The following CACHD1 variants were observed in gnomAD, a reference collection of about 807,000 sequenced individuals.
The protein encoded by CACHD1 is cache domain containing 1.
Under a neutral mutation model 138.7 loss-of-function variants are expected in CACHD1, and 71 were observed. The observed-to-expected ratio is 0.51, with a 90% CI of 0.42 to 0.62. CACHD1 has a LOEUF of 0.62. CACHD1 is among the 20% of genes least tolerant of loss of function. The pLI is 0.00. For missense variants in CACHD1, 1,389 were observed against 1,625.3 expected (o/e 0.85, Z 2.50); for synonymous variants, 578 against 591.5 (o/e 0.98, Z 0.33).
rs767313446 is a variant in CACHD1, at chr1:64,692,380, G to A, written c.*819G>A. 2 of 152,228 alleles carry A rather than the reference G, an allele frequency of 1.3e-5. No homozygotes were observed. Among genetic ancestry groups the A allele is most frequent in the Non-Finnish European group, 2.9e-5 (2 of 68,048 alleles). 9.4% of individuals were successfully genotyped at this position (152,228 alleles called of 1,614,324 possible). ...TTTCTCTGTGTTTGACAGAGATGGG[G>A]AGGGGCAGAGGAATTTAAGAGGTTT... On this transcript the variant is annotated 3_prime_UTR_variant, in exon 27 of 27. Transcript: ENST00000651257.
At chr1:64,621,777 G>A (rs751650197) in intron 4 of CACHD1, among the ~76,000 whole-genome samples, 6 of 152,186 alleles carry the variant, frequency 3.9e-5, no homozygotes, top group Non-Finnish European at 8.8e-5. Flanking sequence ...GAAGGGGGAA[G>A]AGGTGAGGTT....
intron 16 of CACHD1, 139 bp from the exon 17 acceptor site, chr1:64,671,425 T>C: frequency 1.2e-6 from 1 of 868,562 alleles, no homozygotes; most frequent in Non-Finnish European, 1.8e-6. Flanking sequence ...ACTTAGTTGA[T>C]CATTTTTGTA....
intron 1 of CACHD1, among the ~76,000 whole-genome samples, chr1:64,500,356 G>A (rs1448932184): frequency 6.6e-6 from 1 of 152,110 alleles, no homozygotes; most frequent in Admixed American, 6.5e-5. Context: ...CAACATATGT[G>A]CCTGTTGGGA....
chr1:64,632,164 G>T (rs1354724403), intron 5 of CACHD1, among the ~76,000 whole-genome samples: 2 of 150,102 alleles, frequency 1.3e-5, no homozygotes, highest in African/African-American at 4.9e-5. Context: ...AGCAGAGGTT[G>T]TGCATATTTT....
chr1:64,608,840 G>A (rs1647424374), intron 4 of CACHD1, among the ~76,000 whole-genome samples: 1 of 152,156 alleles, frequency 6.6e-6, no homozygotes, highest in South Asian at 2.1e-4. Flanking sequence ...TATTTGAAGA[G>A]TCCAAGAGAA....
rs191282671 is a variant in CACHD1 at position 64,584,728 on chromosome 1, C to A, written c.410+2424C>A. ...ACCTCATCTTTTATTACCCCTAGCA[C>A]CTGGCCATTGTATTTAATTTTTATA... On this transcript the variant is annotated intron_variant, in intron 3 of 26. Coordinates refer to ENST00000651257, the MANE Select transcript of CACHD1 (RefSeq NM_020925.4). 8.0e-3 allele frequency among the ~76,000 whole-genome samples: 1,212 copies of A among 152,226 alleles called. 7 individuals carry two copies. Among genetic ancestry groups the A allele is most frequent in the African/African-American group, 0.028 (1,172 of 41,534 alleles).
intron 1 of CACHD1, among the ~76,000 whole-genome samples, chr1:64,515,133 T>C (rs1248882784): frequency 1.3e-5 from 2 of 152,238 alleles, no homozygotes; most frequent in East Asian, 3.8e-4. Context: ...GTGAAAATTT[T>C]GGATCTAGAT....
chr1:64,689,147 C>T (rs1008266630), intron 26 of CACHD1, among the ~76,000 whole-genome samples: 3 of 152,172 alleles, frequency 2.0e-5, no homozygotes, highest in Non-Finnish European at 2.9e-5. Context: ...TAACCAGGCC[C>T]GACCATGCTT....
At chr1:64,623,852 C>T (rs1171433216) in intron 4 of CACHD1, among the ~76,000 whole-genome samples, 5 of 152,234 alleles carry the variant, frequency 3.3e-5, no homozygotes, top group Non-Finnish European at 7.3e-5. Flanking sequence ...AATCCTAATG[C>T]TGTGCATCAC....
chr1:64,581,911 C>T (rs974299603), intron 2 of CACHD1, among the ~76,000 whole-genome samples: 2 of 152,134 alleles, frequency 1.3e-5, no homozygotes, highest in South Asian at 2.1e-4. Context: ...TTCTATTTAA[C>T]GTGCCGTCAT....
At chr1:64,569,588 G>T (rs1031319205) in intron 2 of CACHD1, among the ~76,000 whole-genome samples, 3 of 152,170 alleles carry the variant, frequency 2.0e-5, no homozygotes, top group Non-Finnish European at 4.4e-5. Context: ...CGGCAGGGCA[G>T]GAAGAGACAT....
At chr1:64,647,567 A>G (rs546788938) in intron 8 of CACHD1, among the ~76,000 whole-genome samples, 1 of 152,314 alleles carries the variant, frequency 6.6e-6, no homozygotes, top group Non-Finnish European at 1.5e-5. Flanking sequence ...GTTTTTCATT[A>G]TCGCCCTGTG....
chr1:64,519,102 A>T (rs1225414817), intron 1 of CACHD1, among the ~76,000 whole-genome samples: 1 of 152,190 alleles, frequency 6.6e-6, no homozygotes, highest in African/African-American at 2.4e-5. Context: ...GGGGTTACTC[A>T]TTAGCAGGAC....
At chr1:64,614,139 A>C (rs1400781351) in intron 4 of CACHD1, among the ~76,000 whole-genome samples, 1 of 152,254 alleles carries the variant, frequency 6.6e-6, no homozygotes, top group Non-Finnish European at 1.5e-5. Flanking sequence ...ATGAATAAAT[A>C]AGTGAATATT....
intron 2 of CACHD1, among the ~76,000 whole-genome samples, chr1:64,553,646 C>G (rs1193052294): frequency 6.6e-6 from 1 of 152,068 alleles, no homozygotes. Flanking sequence ...AACTTACTAC[C>G]CAGCTAAAGA....
At chr1:64,539,181 C>T (rs188027565) in intron 1 of CACHD1, among the ~76,000 whole-genome samples, 12 of 152,022 alleles carry the variant, frequency 7.9e-5, no homozygotes, top group East Asian at 7.7e-4. Flanking sequence ...TTTTTCTTTG[C>T]GAAAAGGCTT....
intron 4 of CACHD1, 151 bp downstream of exon 4, chr1:64,603,063 G>A (rs1647242106): frequency 2.8e-5 from 9 of 322,022 alleles, no homozygotes; most frequent in Non-Finnish European, 5.2e-5. Context: ...TAACCCTCAA[G>A]AGAGGGAGAG....
At position 64,602,893 on chromosome 1, in the gene CACHD1, A is replaced by C; in HGVS notation, c.498A>C (p.Pro166=). Reference sequence around the variant, plus strand: ...CTGTTAATAGCCGGGCCTTCAATCCAGGACGAGACTTAAATTCAGGTCAGT... The same window carrying C: ...CTGTTAATAGCCGGGCCTTCAATCCCGGACGAGACTTAAATTCAGGTCAGT... ...STTVNSRAFN[P]GRDLNSVLAD... Residue 166 remains proline, a synonymous_variant, in exon 4 of 27, where the codon CCA becomes CCC. Coordinates refer to ENST00000651257, the MANE Select transcript of CACHD1 (RefSeq NM_020925.4). 6.2e-7 allele frequency: 1 copy of C among 1,611,954 alleles called. No individual in the cohort carries two copies. The highest frequency in any genetic ancestry group is 8.5e-7 in the Non-Finnish European group (1 of 1,178,102).
intron 1 of CACHD1, chr1:64,506,343 G>T (rs1646376579): frequency 6.6e-6 from 1 of 152,258 alleles, no homozygotes; most frequent in Non-Finnish European, 1.5e-5. Context: ...CACTTGCTAA[G>T]TGCTAAATAC....
Sources: gnomAD v4.1 joint callset for allele counts (sites outside exome capture counted in the v4.1 genomes callset) on GRCh38, gnomAD v4.1.1 for gene constraint, MANE v1.5 for transcripts, NCBI Gene and HGNC (gene_info 2026-07-23, HGNC 2026-07-21) for gene names.